CLIC5: variants seen among roughly 807,000 people sequenced by gnomAD.
The protein encoded by CLIC5 is CLIC family member 5.
A neutral mutation model predicts 24.7 loss-of-function variants in CLIC5; 20 were observed. The ratio of observed to expected loss-of-function variants is 0.81; its 90% CI spans 0.57 to 1.18. The LOEUF (loss-of-function observed/expected upper bound fraction) is 1.18. Ranked by LOEUF, CLIC5 falls within the 50% of genes most tolerant of loss-of-function variation. The pLI, the probability that CLIC5 is intolerant of heterozygous loss-of-function variation, is 0.00. For synonymous variants in CLIC5, 159 were observed against 135.6 expected (o/e 1.17, Z -1.20); for missense variants, 341 against 326.1 (o/e 1.05, Z -0.35).
intron 2 of CLIC5, among the ~76,000 whole-genome samples, chr6:45,954,272 C>CAAAAAAAAAAAAAAAAA (rs11311720): frequency 1.3e-5 from 1 of 76,556 alleles, no homozygotes; most frequent in African/African-American, 4.5e-5. Flanking sequence ...GACTCTGTCT[C>CAAAAAAAAAAAAAAAAA]AAAAAAAAAA....
At chr6:45,990,191 A>G (rs780284892) in intron 1 of CLIC5, among the ~76,000 whole-genome samples, 1 of 152,210 alleles carries the variant, frequency 6.6e-6, no homozygotes, top group Non-Finnish European at 1.5e-5. Flanking sequence ...AGGTATTGTT[A>G]AGATCAAACA....
intron 4 of CLIC5, among the ~76,000 whole-genome samples, chr6:45,936,830 C>A (rs1644213595): frequency 6.6e-6 from 1 of 152,132 alleles, no homozygotes; most frequent in South Asian, 2.1e-4. Flanking sequence ...GAAAACGAAG[C>A]AACTTCCCCA....
intron 1 of CLIC5, among the ~76,000 whole-genome samples, chr6:45,976,799 C>A (rs1561978345): frequency 1.3e-5 from 2 of 152,262 alleles, no homozygotes; most frequent in African/African-American, 4.8e-5. Flanking sequence ...TGGCATAGAC[C>A]TATGAGGTTT....
the CLIC5 span, among the ~76,000 whole-genome samples, chr6:46,093,459 T>C: frequency 1.3e-5 from 2 of 152,240 alleles, no homozygotes; most frequent in African/African-American, 4.8e-5. Context: ...GACTGATTCA[T>C]GGACCACAGT....
intron 5 of CLIC5, chr6:45,912,632 G>A: frequency 6.6e-7 from 1 of 1,505,496 alleles, no homozygotes; most frequent in Non-Finnish European, 8.9e-7. Context: ...CTGCTAGTTG[G>A]CAGCAAATAC....
At chr6:45,946,846 C>T (rs767700557) in intron 3 of CLIC5, among the ~76,000 whole-genome samples, 2 of 152,208 alleles carry the variant, frequency 1.3e-5, no homozygotes, top group Non-Finnish European at 2.9e-5. Context: ...ACCCTTGGCG[C>T]CCCCACCTTG....
At chr6:46,126,039 G>A in the CLIC5 span, among the ~76,000 whole-genome samples, 5 of 152,102 alleles carry the variant, frequency 3.3e-5, no homozygotes, top group Admixed American at 1.3e-4. Context: ...AACTCACCCC[G>A]ATTTGCTTGT....
chr6:45,903,372 G>A, intron 5 of CLIC5, 117 bp from the exon 6 acceptor site: 1 of 760,222 alleles, frequency 1.3e-6, no homozygotes, highest in Non-Finnish European at 2.0e-6. Context: ...ATCACCACGG[G>A]CCATCAGTGA....
intron 1 of CLIC5, among the ~76,000 whole-genome samples, chr6:45,963,447 G>A (rs569352710): frequency 5.7e-4 from 87 of 152,120 alleles, no homozygotes; most frequent in Non-Finnish European, 6.5e-4. Context: ...AGTAGGCACT[G>A]CACATTATGC....
intron 1 of CLIC5, among the ~76,000 whole-genome samples, chr6:45,989,448 G>C (rs1288999607): frequency 6.6e-5 from 10 of 152,154 alleles, no homozygotes; most frequent in Admixed American, 5.2e-4. Context: ...TCCCCAAATT[G>C]AAATGTAGAT....
At chr6:45,958,447 T>TACACACACACACACACACACACCCAC (rs1446493409) in intron 1 of CLIC5, among the ~76,000 whole-genome samples, 1 of 72,274 alleles carries the variant, frequency 1.4e-5, no homozygotes, top group Non-Finnish European at 2.9e-5. Flanking sequence ...TATATATATA[T>TACACACACACACACACACACACCCAC]ATATATATAT....
intron 1 of CLIC5, among the ~76,000 whole-genome samples, chr6:46,045,209 G>A (rs988099007): frequency 1.3e-5 from 2 of 152,094 alleles, no homozygotes; most frequent in Admixed American, 6.6e-5. Context: ...AGATAAACAA[G>A]TTTGAAAACA....
chr6:45,971,475 C>T (rs934627295), intron 1 of CLIC5, among the ~76,000 whole-genome samples: 2 of 152,172 alleles, frequency 1.3e-5, no homozygotes, highest in African/African-American at 2.4e-5. Context: ...CTTTCCTTTA[C>T]GTACAAGACC....
upstream of CLIC5, chr6:46,015,877 A>C: frequency 9.5e-7 from 1 of 1,049,942 alleles, no homozygotes; most frequent in Non-Finnish European, 1.1e-6. Flanking sequence ...GCCGCCGCCA[A>C]CGCGCCCAAA....
In CLIC5 at chr6:46,006,370, T is replaced by A. The variant is rs1435790391; in HGVS notation, c.63+9110A>T. Among the ~76,000 whole-genome samples, 9 of 150,772 alleles carry A rather than the reference T, an allele frequency of 6.0e-5. No individual in the cohort carries two copies. The South Asian group carries it at 8.4e-4, about 14-fold the overall frequency. On this transcript the variant is annotated intron_variant, in intron 1 of 5. Coordinates refer to ENST00000339561, the MANE Select transcript of CLIC5 (RefSeq NM_016929.5). Reference sequence around the variant, plus strand: ...CATATTGGCCAGGCTGGTCTCGAACTCTTGACCTCATGATCTGCCCACCTC... The same window carrying A: ...CATATTGGCCAGGCTGGTCTCGAACACTTGACCTCATGATCTGCCCACCTC...
upstream of CLIC5, among the ~76,000 whole-genome samples, chr6:46,016,466 C>T (rs1767013001): frequency 1.3e-5 from 2 of 152,158 alleles, no homozygotes; most frequent in South Asian, 4.1e-4. Context: ...GTGAGTCAAC[C>T]CGGTCAGGTG....
intron 1 of CLIC5, among the ~76,000 whole-genome samples, chr6:46,067,543 G>A (rs1352236401): frequency 1.3e-5 from 2 of 152,178 alleles, no homozygotes; most frequent in African/African-American, 4.8e-5. Context: ...GAACAAGGAT[G>A]CACTGAATTA....
At chr6:45,981,167 T>C (rs1403221493) in intron 1 of CLIC5, among the ~76,000 whole-genome samples, 1 of 152,018 alleles carries the variant, frequency 6.6e-6, no homozygotes, top group Non-Finnish European at 1.5e-5. Context: ...ATGTGGTTTT[T>C]CCATGTTTCC....
At chr6:46,094,390 GT>G in the CLIC5 span, among the ~76,000 whole-genome samples, 1 of 152,242 alleles carries the variant, frequency 6.6e-6, no homozygotes, top group African/African-American at 2.4e-5. Context: ...TGAGACAAGG[GT>G]AGTCCCTTCC....
Sources: gnomAD v4.1 joint callset for allele counts (sites outside exome capture counted in the v4.1 genomes callset) on GRCh38, gnomAD v4.1.1 for gene constraint, MANE v1.5 for transcripts, NCBI Gene and HGNC (gene_info 2026-07-23, HGNC 2026-07-21) for gene names.